WWOX: variants seen among roughly 807,000 people sequenced by gnomAD.
WWOX encodes WW domain containing oxidoreductase, also known as WW domain-containing oxidoreductase.
A neutral mutation model predicts 46.2 loss-of-function variants in WWOX; 69 were observed. The ratio of observed to expected loss-of-function variants is 1.49; its 90% confidence interval spans 1.23 to 1.82. WWOX has a LOEUF of 1.82. Ranked by LOEUF, WWOX falls within the 40% of genes most tolerant of loss-of-function variation. WWOX has a pLI of 0.00. For missense variants in WWOX, 919 were observed against 542.6 expected (o/e 1.69, Z -6.89); for synonymous variants, 359 against 202.6 (o/e 1.77, Z -6.56).
At chr16:78,713,390 C>T (rs778151061) in intron 8 of WWOX, among the ~76,000 whole-genome samples, 10 of 151,660 alleles carry the variant, frequency 6.6e-5, no homozygotes, top group East Asian at 5.8e-4. Flanking sequence ...AGCAGAGCTC[C>T]GTCTTGATGC....
chr16:79,180,762 C>T (rs1394500980), intron 8 of WWOX, among the ~76,000 whole-genome samples: 2 of 151,950 alleles, frequency 1.3e-5, no homozygotes, highest in African/African-American at 4.8e-5. Context: ...TCTATCCATC[C>T]ATCCATCCAT....
At chr16:79,163,541 G>A (rs1427377195) in intron 8 of WWOX, among the ~76,000 whole-genome samples, 1 of 152,190 alleles carries the variant, frequency 6.6e-6, no homozygotes, top group East Asian at 1.9e-4. Flanking sequence ...GCTCACACCT[G>A]TAATCCCAGC....
intron 5 of WWOX, among the ~76,000 whole-genome samples, chr16:78,202,533 G>A (rs1016926726): frequency 6.6e-6 from 1 of 152,212 alleles, no homozygotes; most frequent in African/African-American, 2.4e-5. Flanking sequence ...TGACTTGGTT[G>A]TTGATCTGTT....
At chr16:79,129,434 C>T (rs181559146) in intron 8 of WWOX, among the ~76,000 whole-genome samples, 2 of 148,904 alleles carry the variant, frequency 1.3e-5, no homozygotes, top group East Asian at 3.9e-4. Context: ...GGGAGAAAAA[C>T]CACTTAAAAT....
intron 5 of WWOX, among the ~76,000 whole-genome samples, chr16:78,166,102 T>G (rs892816283): frequency 5.3e-5 from 8 of 152,116 alleles, no homozygotes; most frequent in African/African-American, 1.7e-4. Flanking sequence ...AGATAAACAT[T>G]ATGTATTCTT....
intron 8 of WWOX, among the ~76,000 whole-genome samples, chr16:78,527,288 T>C (rs1326650922): frequency 1.6e-5 from 2 of 126,092 alleles, no homozygotes; most frequent in Non-Finnish European, 3.3e-5. Flanking sequence ...CTCGCTCTTT[T>C]TTTCTTTCTT....
At chr16:78,446,551 GATATTATAATTA>G (rs2083564966) in intron 8 of WWOX, among the ~76,000 whole-genome samples, 1 of 151,016 alleles carries the variant, frequency 6.6e-6, no homozygotes, top group Admixed American at 6.6e-5. Flanking sequence ...TCCTATTATT[GATATTATAATTA>G]ATATTATAAT....
chr16:78,954,485 C>A (rs1223362117), intron 8 of WWOX, among the ~76,000 whole-genome samples: 1 of 152,190 alleles, frequency 6.6e-6, no homozygotes, highest in African/African-American at 2.4e-5. Context: ...TACTAAAAAT[C>A]TGCATTGATA....
chr16:78,740,059 C>T (rs575919211), intron 8 of WWOX, among the ~76,000 whole-genome samples: 4 of 152,286 alleles, frequency 2.6e-5, no homozygotes, highest in Admixed American at 6.5e-5. Context: ...ACTGACCCCA[C>T]TGTGGTCACC....
chr16:78,952,067 A>G (rs1245421649), intron 8 of WWOX, among the ~76,000 whole-genome samples: 2 of 152,104 alleles, frequency 1.3e-5, no homozygotes, highest in African/African-American at 2.4e-5. Context: ...CCTAATCATA[A>G]CCTACAATCC....
chr16:79,186,047 C>T (rs1029449594), intron 8 of WWOX, among the ~76,000 whole-genome samples: 6 of 152,034 alleles, frequency 3.9e-5, no homozygotes, highest in African/African-American at 7.3e-5. Context: ...GTCTTTTTCA[C>T]ATGGCCTGTA....
chr16:79,087,948 C>T (rs553190311), intron 8 of WWOX, among the ~76,000 whole-genome samples: 12 of 152,238 alleles, frequency 7.9e-5, no homozygotes, highest in African/African-American at 2.9e-4. Context: ...ATTCATGGGT[C>T]TGTAGTCCAA....
chr16:78,616,947 C>G (rs2548837), intron 8 of WWOX, among the ~76,000 whole-genome samples: 16 of 151,958 alleles, frequency 1.1e-4, no homozygotes, highest in Non-Finnish European at 2.2e-4. Flanking sequence ...TATAATGTTC[C>G]TTTTGCTTTA....
chr16:78,130,329 C>T (rs202121493), intron 4 of WWOX, among the ~76,000 whole-genome samples: 3 of 152,104 alleles, frequency 2.0e-5, no homozygotes, highest in Non-Finnish European at 2.9e-5. Flanking sequence ...TTTCCTTAAG[C>T]TATGTGAATG....
chr16:78,984,380 T>C (rs1005166301), intron 8 of WWOX, among the ~76,000 whole-genome samples: 1 of 152,146 alleles, frequency 6.6e-6, no homozygotes, highest in African/African-American at 2.4e-5. Context: ...GCCCGTAAAA[T>C]TAATATTTTA....
intron 8 of WWOX, among the ~76,000 whole-genome samples, 185 bp downstream of exon 8, chr16:78,432,937 C>T (rs889099442): frequency 2.0e-5 from 3 of 152,134 alleles, no homozygotes; most frequent in Non-Finnish European, 4.4e-5. Flanking sequence ...TGGGTAAATG[C>T]GTCTTGGAGG....
intron 8 of WWOX, among the ~76,000 whole-genome samples, chr16:78,743,149 C>G (rs995984087): frequency 6.6e-6 from 1 of 152,050 alleles, no homozygotes; most frequent in African/African-American, 2.4e-5. Context: ...TGTGCTGCAG[C>G]CGTTATTGAT....
chr16:78,749,360 A>C (rs1195098190), intron 8 of WWOX, among the ~76,000 whole-genome samples: 3 of 152,210 alleles, frequency 2.0e-5, no homozygotes, highest in African/African-American at 7.2e-5. Flanking sequence ...AAAACAAAAC[A>C]ATGTTTTAAA....
intron 5 of WWOX, among the ~76,000 whole-genome samples, chr16:78,313,868 A>G (rs2080300007): frequency 6.6e-6 from 1 of 152,154 alleles, no homozygotes; most frequent in East Asian, 1.9e-4. Context: ...CCTGTCATTC[A>G]TCAGAATTCA....
Sources: allele counts gnomAD v4.1 joint callset (sites outside exome capture counted in the v4.1 genomes callset), GRCh38; gene constraint gnomAD v4.1.1; transcripts MANE v1.5; gene names NCBI Gene and HGNC (gene_info 2026-07-23, HGNC 2026-07-21).